The following DGKI variants were observed in gnomAD, a reference collection of about 807,000 sequenced individuals.
DGKI encodes the protein DAG kinase iota.
DGKI carries 55 observed loss-of-function variants against 147.5 expected under a neutral mutation model. The observed-to-expected ratio is 0.37, with a 90% CI of 0.30 to 0.47. The LOEUF is 0.47. DGKI is among the 20% of genes least tolerant of loss of function. The probability of loss-of-function intolerance (pLI) is 1.00; values close to 1 mark genes in which losing one functional copy is unlikely to be tolerated. For missense variants in DGKI, 1,007 were observed against 1,323.8 expected (o/e 0.76, Z 3.71); for synonymous variants, 469 against 477.1 (o/e 0.98, Z 0.22).
At chr7:137,833,777 C>T (rs1446781853) in intron 1 of DGKI, among the ~76,000 whole-genome samples, 2 of 152,152 alleles carry the variant, frequency 1.3e-5, no homozygotes, top group Admixed American at 1.3e-4. Context: ...AGGAAGCCCC[C>T]TACAACAGCT....
intron 1 of DGKI, among the ~76,000 whole-genome samples, chr7:137,814,155 T>C (rs1462234852): frequency 6.6e-6 from 1 of 152,070 alleles, no homozygotes; most frequent in African/African-American, 2.4e-5. Context: ...AGGTGAGGAA[T>C]GGGAGGAGGA....
chr7:137,689,118 A>G (rs1323208539), intron 2 of DGKI, among the ~76,000 whole-genome samples: 1 of 152,202 alleles, frequency 6.6e-6, no homozygotes. Flanking sequence ...AACATGGATT[A>G]TCCCTTCTAT....
At chr7:137,784,318 A>T (rs937890641) in intron 1 of DGKI, among the ~76,000 whole-genome samples, 1 of 152,216 alleles carries the variant, frequency 6.6e-6, no homozygotes, top group African/African-American at 2.4e-5. Flanking sequence ...CAGCAGTAGT[A>T]GCAATTCTTA....
At position 137,386,059 on chromosome 7, in the gene DGKI, A is replaced by C. The variant is rs1435925547; in HGVS notation, c.*5161T>G. The C allele has an allele frequency of 6.6e-6, 1 of 152,150 alleles. No homozygotes were observed. The highest frequency in any genetic ancestry group is 1.5e-5 in the Non-Finnish European group (1 of 68,010). The allele number at this position is 152,150 out of a possible 1,614,324, so 9.4% of individuals were successfully genotyped here. On this transcript the variant is annotated 3_prime_UTR_variant, in exon 33 of 33. Coordinates refer to ENST00000614521, the MANE Select transcript of DGKI (RefSeq NM_001321708.2). ...GACATATGATTACATGCATAACTGA[A>C]TACATATGTAAATAGACTCTGGAGT...
rs559405216 is a variant in DGKI at position 137,420,239 on chromosome 7, G to A, written c.2762-8032C>T. On this transcript the variant is annotated intron_variant, in intron 28 of 32. Transcript: ENST00000614521. The stretch of plus-strand genomic sequence containing the variant: ...GAGAGCCCAGTGATCAACTCACCTC[G>A]CCTTGGAAATCCCAAGGTATCATTC... Among the ~76,000 whole-genome samples, 17 of 152,232 alleles carry A rather than the reference G, an allele frequency of 1.1e-4. No individual in the cohort carries two copies. The South Asian group carries it at 3.3e-3, about 30-fold the overall frequency.
chr7:137,633,192 A>G (rs1281152833), intron 6 of DGKI, among the ~76,000 whole-genome samples: 2 of 149,046 alleles, frequency 1.3e-5, no homozygotes, highest in African/African-American at 5.1e-5. Context: ...AGCCTGGGCA[A>G]CAAGAGCGAA....
chr7:137,408,726 A>C (rs570452776), intron 29 of DGKI, among the ~76,000 whole-genome samples: 34 of 152,328 alleles, frequency 2.2e-4, no homozygotes, highest in African/African-American at 7.9e-4. Flanking sequence ...AAAAAAACAA[A>C]ACAGAATTTT....
intron 8 of DGKI, among the ~76,000 whole-genome samples, chr7:137,611,946 T>C (rs963536643): frequency 6.6e-6 from 1 of 152,192 alleles, no homozygotes; most frequent in African/African-American, 2.4e-5. Flanking sequence ...CCAAGAGCAA[T>C]GCCAGACACC....
chr7:137,397,503 T>G, intron 30 of DGKI, 90 bp from the exon 31 acceptor site: 1 of 1,304,540 alleles, frequency 7.7e-7, no homozygotes, highest in Non-Finnish European at 1.1e-6. Context: ...TTAAAATGCC[T>G]TGGAAAGCTA....
At chr7:137,441,793 C>T (rs1195327784) in intron 28 of DGKI, among the ~76,000 whole-genome samples, 1 of 152,162 alleles carries the variant, frequency 6.6e-6, no homozygotes, top group Non-Finnish European at 1.5e-5. Context: ...GTCCAACATG[C>T]CTTAAATTTT....
chr7:137,516,114 G>A (rs1254620509), intron 21 of DGKI, among the ~76,000 whole-genome samples: 10 of 151,956 alleles, frequency 6.6e-5, no homozygotes, highest in African/African-American at 2.4e-4. Context: ...GAGGGGGAAA[G>A]ATTCAATTTT....
Position 137,421,647 on chromosome 7 carries a change from T to A in DGKI, c.2762-9440A>T, listed in dbSNP as rs1812575598. 2.0e-5 allele frequency among the ~76,000 whole-genome samples: 3 copies of A among 152,214 alleles called. No individual in the cohort carries two copies. In the South Asian group the frequency reaches 6.2e-4, roughly 32 times the overall value. ...AGGGACCAGATGTCTCTCCAAAGCATCCCATTTGCTTATCTGTTGTTGTGA... is the reference window on the plus strand; with the variant it reads ...AGGGACCAGATGTCTCTCCAAAGCAACCCATTTGCTTATCTGTTGTTGTGA... On this transcript the variant is annotated intron_variant, in intron 28 of 32. Coordinates refer to ENST00000614521, the MANE Select transcript of DGKI (RefSeq NM_001321708.2).
chr7:137,629,299 G>T (rs1821049296), intron 6 of DGKI, among the ~76,000 whole-genome samples: 1 of 151,810 alleles, frequency 6.6e-6, no homozygotes. Context: ...TAATGGCAAA[G>T]TTAAGTTTCT....
rs111591226 is a variant in DGKI at position 137,626,322 on chromosome 7, GACACACACACACAC to G, written c.805-2782_805-2769del. Among the ~76,000 whole-genome samples the G allele has an allele frequency of 5.7e-3, 790 of 139,134 alleles. 8 individuals are homozygous for G. The highest frequency in any genetic ancestry group is 0.019 in the African/African-American group (727 of 37,818). 91.3% of individuals were successfully genotyped at this position (139,134 alleles called of 152,430 possible). The stretch of plus-strand genomic sequence containing the variant: ...TCCCAAGAAGAAAAAAAGTGCTTCT[GACACACACACACAC>G]ACACACACACACACACACACACACA... On this transcript the variant is annotated intron_variant, in intron 6 of 32. Coordinates refer to ENST00000614521, the MANE Select transcript of DGKI (RefSeq NM_001321708.2).
intron 1 of DGKI, among the ~76,000 whole-genome samples, chr7:137,818,858 A>C (rs1446427172): frequency 6.6e-6 from 1 of 152,242 alleles, no homozygotes; most frequent in Non-Finnish European, 1.5e-5. Context: ...TACACAGATA[A>C]TTTCTATTTC....
chr7:137,692,733 CA>C (rs1228805471), intron 1 of DGKI, among the ~76,000 whole-genome samples: 1 of 152,158 alleles, frequency 6.6e-6, no homozygotes, highest in African/African-American at 2.4e-5. Flanking sequence ...AAAGAAATTA[CA>C]GTCAAATCAC....
intron 1 of DGKI, among the ~76,000 whole-genome samples, chr7:137,773,403 G>C (rs146126205): frequency 2.8e-4 from 42 of 152,286 alleles, no homozygotes; most frequent in African/African-American, 1.0e-3. Flanking sequence ...CTGCCTTAGA[G>C]TGTTGGCCTC....
chr7:137,720,250 C>CTTTTTTTTTTTT (rs552382033), intron 1 of DGKI, among the ~76,000 whole-genome samples: 2 of 88,218 alleles, frequency 2.3e-5, no homozygotes, highest in Non-Finnish European at 4.0e-5. Flanking sequence ...TTGAAAAAAT[C>CTTTTTTTTTTTT]TTTTTTTTTT....
At chr7:137,499,221 C>A (rs1038451071) in intron 21 of DGKI, among the ~76,000 whole-genome samples, 1 of 152,086 alleles carries the variant, frequency 6.6e-6, no homozygotes, top group Non-Finnish European at 1.5e-5. Flanking sequence ...AAGTAGTTAT[C>A]CCAGTAGAAC....
Sources: allele counts gnomAD v4.1 joint callset (sites outside exome capture counted in the v4.1 genomes callset), GRCh38; gene constraint gnomAD v4.1.1; transcripts MANE v1.5; gene names NCBI Gene and HGNC (gene_info 2026-07-23, HGNC 2026-07-21).